Variants in FBXL17 observed in about 807,000 individuals in gnomAD.
FBXL17 encodes the protein F-box and leucine rich repeat protein 17, also known as F-box/LRR-repeat protein 17.
FBXL17 carries 22 observed loss-of-function variants against 66.2 expected under a neutral mutation model. The ratio of observed to expected loss-of-function variants is 0.33; its 90% CI spans 0.24 to 0.47. The LOEUF (loss-of-function observed/expected upper bound fraction) is 0.47. Among genes scored for constraint, FBXL17 ranks in the 20% least tolerant of loss-of-function variants. FBXL17 has a pLI of 1.00. For missense variants in FBXL17, 878 were observed against 948.2 expected (o/e 0.93, Z 0.97); for synonymous variants, 474 against 400.5 (o/e 1.18, Z -2.19).
At chr5:107,862,628 C>T (rs936381785) in intron 8 of FBXL17, among the ~76,000 whole-genome samples, 11 of 152,172 alleles carry the variant, frequency 7.2e-5, no homozygotes, top group African/African-American at 2.7e-4. Flanking sequence ...AACCTAAGAA[C>T]CACAACTTTT....
In FBXL17 at chr5:108,322,425, T is replaced by C. The variant is rs539147395; in HGVS notation, c.1506+25974A>G. On this transcript the variant is annotated intron_variant, in intron 4 of 8. Coordinates refer to ENST00000542267, the MANE Select transcript of FBXL17 (RefSeq NM_001163315.3). ...TTAAGTGCGGGGGAAAAAAGTGTGA[T>C]GTACATACTAATCTAACTTTTATGT... Among the ~76,000 whole-genome samples, 3 of 152,044 alleles carry C rather than the reference T, an allele frequency of 2.0e-5. No individual in the cohort carries two copies. The East Asian group carries it at 5.8e-4, about 29-fold the overall frequency.
chr5:108,357,649 AG>A (rs1359412819), intron 3 of FBXL17, among the ~76,000 whole-genome samples: 2 of 152,094 alleles, frequency 1.3e-5, no homozygotes, highest in Non-Finnish European at 2.9e-5. Flanking sequence ...ATACTGCAAT[AG>A]AAATAAAATA....
At chr5:108,192,746 C>T (rs1010915439) in intron 5 of FBXL17, among the ~76,000 whole-genome samples, 1 of 151,958 alleles carries the variant, frequency 6.6e-6, no homozygotes, top group African/African-American at 2.4e-5. Flanking sequence ...GAGCCGAGAT[C>T]GCACCACTGC....
In FBXL17 at chr5:108,299,421, T is replaced by A. The variant is rs183712990; in HGVS notation, c.1506+48978A>T. The A allele has an allele frequency of 2.6e-5, 25 of 962,418 alleles. No individual in the cohort carries two copies. The African/African-American group carries it at 4.4e-4, about 17-fold the overall frequency. 59.6% of individuals were successfully genotyped at this position (962,418 alleles called of 1,614,324 possible). A position where few individuals can be genotyped will look rare whatever the true frequency, so the allele number is the denominator to read the frequency against. ...AGCAAGTTTACATTACACAAATATG[T>A]ACTAAAAAACAAAGACACACTAGTT... On this transcript the variant is annotated intron_variant, in intron 4 of 8. Coordinates refer to ENST00000542267, the MANE Select transcript of FBXL17 (RefSeq NM_001163315.3).
At chr5:108,269,649 A>G (rs1485568584) in intron 4 of FBXL17, among the ~76,000 whole-genome samples, 1 of 151,894 alleles carries the variant, frequency 6.6e-6, no homozygotes, top group Admixed American at 6.6e-5. Flanking sequence ...CTCCTCCCTC[A>G]CCCTCTATGC....
At chr5:108,187,526 G>T (rs535380660) in intron 5 of FBXL17, among the ~76,000 whole-genome samples, 3 of 152,120 alleles carry the variant, frequency 2.0e-5, no homozygotes, top group East Asian at 3.9e-4. Context: ...TGAAATGGAA[G>T]ATAACAGGAG....
chr5:108,185,736 G>T (rs181870431), intron 6 of FBXL17, among the ~76,000 whole-genome samples: 5 of 152,242 alleles, frequency 3.3e-5, no homozygotes, highest in Admixed American at 2.6e-4. Context: ...TAATGTTTCA[G>T]ATGGTTTCTC....
chr5:107,969,454 C>A (rs972423950), intron 7 of FBXL17, among the ~76,000 whole-genome samples: 4 of 151,920 alleles, frequency 2.6e-5, no homozygotes, highest in African/African-American at 9.7e-5. Flanking sequence ...TATAGAACAC[C>A]CAAATAAAGA....
At chr5:108,097,227 C>T (rs1749403009) in intron 6 of FBXL17, among the ~76,000 whole-genome samples, 1 of 152,210 alleles carries the variant, frequency 6.6e-6, no homozygotes, top group African/African-American at 2.4e-5. Context: ...GTGCCTGCTT[C>T]ACCCTCCCCA....
At chr5:108,168,422 G>A (rs1752488233) in intron 6 of FBXL17, among the ~76,000 whole-genome samples, 1 of 152,150 alleles carries the variant, frequency 6.6e-6, no homozygotes, top group Admixed American at 6.5e-5. Context: ...CATTACTGAT[G>A]AACGGAATAT....
At chr5:108,085,529 T>A (rs1484137411) in intron 6 of FBXL17, among the ~76,000 whole-genome samples, 1 of 152,190 alleles carries the variant, frequency 6.6e-6, no homozygotes, top group Non-Finnish European at 1.5e-5. Context: ...TTGAACCCCA[T>A]GTGGTCCAGG....
rs547407716 is a variant in FBXL17 at position 107,897,923 on chromosome 5, A to C, written c.1823-16744T>G. Among the ~76,000 whole-genome samples the C allele has an allele frequency of 5.7e-4, 87 of 152,180 alleles. 1 individual carries two copies. The highest frequency in any genetic ancestry group is 1.9e-3 in the African/African-American group (79 of 41,518). On this transcript the variant is annotated intron_variant, in intron 7 of 8. Coordinates refer to ENST00000542267, the MANE Select transcript of FBXL17 (RefSeq NM_001163315.3). ...GGATATGATAAAAAAGAAAGAAAGA[A>C]AGAAAGAAAAAGAAAGTGAGGGGTA...
chr5:108,135,946 A>G (rs1307334295), intron 6 of FBXL17, among the ~76,000 whole-genome samples: 1 of 152,072 alleles, frequency 6.6e-6, no homozygotes, highest in Non-Finnish European at 1.5e-5. Flanking sequence ...CCTCCAACAT[A>G]GTTTTTTATG....
At chr5:108,314,334 T>C (rs1759256393) in intron 4 of FBXL17, among the ~76,000 whole-genome samples, 1 of 151,584 alleles carries the variant, frequency 6.6e-6, no homozygotes, top group Non-Finnish European at 1.5e-5. Context: ...AATGGCATAA[T>C]CAAAAAGTCT....
At chr5:108,257,524 A>G (rs1355544440) in intron 4 of FBXL17, among the ~76,000 whole-genome samples, 2 of 152,248 alleles carry the variant, frequency 1.3e-5, no homozygotes, top group African/African-American at 4.8e-5. Context: ...AAGGAAGATA[A>G]TAATTATCAT....
At chr5:108,176,097 A>G (rs1426707075) in intron 6 of FBXL17, among the ~76,000 whole-genome samples, 2 of 152,148 alleles carry the variant, frequency 1.3e-5, no homozygotes, top group Non-Finnish European at 2.9e-5. Context: ...AGCAGTCAAT[A>G]AGGTATCATC....
intron 7 of FBXL17, among the ~76,000 whole-genome samples, chr5:107,981,079 G>C (rs193240283): frequency 9.9e-5 from 15 of 152,250 alleles, no homozygotes; most frequent in Non-Finnish European, 2.1e-4. Flanking sequence ...TAGAGAAGAT[G>C]AGACACAACT....
chr5:108,223,970 T>C (rs919763193), intron 5 of FBXL17, 151 bp downstream of exon 5: 21 of 359,844 alleles, frequency 5.8e-5, no homozygotes, highest in Middle Eastern at 1.4e-3. Context: ...AAGTTTGGTA[T>C]TGCTTTCTTC....
chr5:107,929,770 C>T (rs749564296), intron 7 of FBXL17, among the ~76,000 whole-genome samples: 36 of 152,018 alleles, frequency 2.4e-4, no homozygotes, highest in Non-Finnish European at 4.7e-4. Context: ...ATCTCTTCCC[C>T]CATCTGTATA....
Sources: allele counts gnomAD v4.1 joint callset (sites outside exome capture counted in the v4.1 genomes callset), GRCh38; gene constraint gnomAD v4.1.1; transcripts MANE v1.5; gene names NCBI Gene and HGNC (gene_info 2026-07-23, HGNC 2026-07-21).